LLGL2: variants seen among roughly 807,000 people sequenced by gnomAD.
LLGL2 encodes LLGL scribble cell polarity complex component 2, also known as LLGL2, scribble cell polarity complex component.
In LLGL2, 81 loss-of-function variants were observed where a neutral mutation model predicts 123.2. The ratio of observed to expected loss-of-function variants is 0.66; its 90% confidence interval spans 0.55 to 0.79. The LOEUF is 0.79. Among genes scored for constraint, LLGL2 ranks in the 30% least tolerant of loss-of-function variants. LLGL2 has a pLI of 0.00. For missense variants in LLGL2, 1,273 were observed against 1,414.6 expected (o/e 0.90, Z 1.61); for synonymous variants, 577 against 594.1 (o/e 0.97, Z 0.42).
In LLGL2 at chr17:75,559,126, G is replaced by C; in HGVS notation, c.372-126G>C. 2 of 1,023,378 alleles carry C rather than the reference G, an allele frequency of 2.0e-6. No homozygotes were observed. Among genetic ancestry groups the C allele is most frequent in the Non-Finnish European group, 2.8e-6 (2 of 726,624 alleles). 63.4% of individuals were successfully genotyped at this position (1,023,378 alleles called of 1,614,324 possible). A position where few individuals can be genotyped will look rare whatever the true frequency, so the allele number is the denominator to read the frequency against. ...CAGAAAGTGACCAATGTTTGTCCTGGCTTGAAATGTTATGACCTCATTAAA... is the reference window on the plus strand; with the variant it reads ...CAGAAAGTGACCAATGTTTGTCCTGCCTTGAAATGTTATGACCTCATTAAA... On this transcript the variant is annotated intron_variant, in intron 5 of 25. Coordinates refer to ENST00000392550, the MANE Select transcript of LLGL2 (RefSeq NM_001031803.2). The surrounding 1 kb of genome is among the most constrained non-coding windows in gnomAD (Gnocchi z 4.6).
chr17:75,543,584 A>T, intron 2 of LLGL2, 83 bp downstream of exon 2: 1 of 1,104,410 alleles, frequency 9.1e-7, no homozygotes, highest in Non-Finnish European at 1.3e-6. Flanking sequence ...TCTTACCTGG[A>T]TTAAGGTATA....
chr17:75,534,357 T>G (rs1306140510), intron 1 of LLGL2, among the ~76,000 whole-genome samples: 1 of 152,172 alleles, frequency 6.6e-6, no homozygotes, highest in Non-Finnish European at 1.5e-5. Flanking sequence ...GTGGGGGGAA[T>G]GGAGGCTGAC....
At chr17:75,528,137 A>G (rs1253590312) in intron 1 of LLGL2, among the ~76,000 whole-genome samples, 9 of 139,222 alleles carry the variant, frequency 6.5e-5, no homozygotes, top group East Asian at 2.3e-4. Context: ...TTATTTTGAG[A>G]CAGAGTCTCG....
intron 6 of LLGL2, among the ~76,000 whole-genome samples, chr17:75,560,008 G>A (rs890153655): frequency 6.6e-6 from 1 of 152,238 alleles, no homozygotes; most frequent in African/African-American, 2.4e-5. Context: ...GTTGGGGCCG[G>A]GTCGGTCATG....
intron 10 of LLGL2, among the ~76,000 whole-genome samples, chr17:75,565,894 T>C (rs888415625): frequency 7.2e-5 from 11 of 152,234 alleles, no homozygotes; most frequent in Non-Finnish European, 1.6e-4. Flanking sequence ...TGCCAGGCCC[T>C]GTTCTAGAAA....
At chr17:75,566,699 G>T (rs904656200) in intron 10 of LLGL2, among the ~76,000 whole-genome samples, 1 of 152,222 alleles carries the variant, frequency 6.6e-6, no homozygotes. Context: ...TAAACGAGGG[G>T]AGGAGAGATC....
At chr17:75,542,542 A>G in intron 1 of LLGL2, 1 of 152,334 alleles carries the variant, frequency 6.6e-6, no homozygotes, top group Non-Finnish European at 1.5e-5. Flanking sequence ...AGGATAATCC[A>G]GAAATGGTTT....
At chr17:75,532,246 C>A (rs1012358233) in intron 1 of LLGL2, among the ~76,000 whole-genome samples, 5 of 151,280 alleles carry the variant, frequency 3.3e-5, no homozygotes, top group Non-Finnish European at 7.4e-5. Context: ...GCTACCATGC[C>A]CAGCTAATTT....
chr17:75,531,210 C>T (rs1282547310), intron 1 of LLGL2, among the ~76,000 whole-genome samples: 2 of 152,144 alleles, frequency 1.3e-5, no homozygotes, highest in Non-Finnish European at 2.9e-5. Context: ...GCCAGGACTT[C>T]CTGGCCCCGG....
chr17:75,537,909 A>G (rs2054067293), intron 1 of LLGL2, among the ~76,000 whole-genome samples: 1 of 150,840 alleles, frequency 6.6e-6, no homozygotes, highest in South Asian at 2.1e-4. Context: ...CCTGGGTTCA[A>G]GCAATTCTCC....
chr17:75,558,837 C>CCACACCA lies in LLGL2; in HGVS notation c.371+211_371+212insACACCAC, dbSNP rs2055045945. On this transcript the variant is annotated intron_variant, in intron 5 of 25. Transcript: ENST00000392550. This position sits in a 1 kb window ranked among gnomAD's most constrained non-coding sequence, Gnocchi z 4.0. ...TCCATCCACACCACGCCTCCTCCAT[C>CCACACCA]CGCACCCCACCTCCTCCATCCGCAC... 1 of 383,470 alleles carries CCACACCA rather than the reference C, an allele frequency of 2.6e-6. No homozygotes were observed. Among genetic ancestry groups the CCACACCA allele is most frequent in the Non-Finnish European group, 4.7e-6 (1 of 214,726 alleles). The allele number at this position is 383,470 out of a possible 1,614,324, so 23.8% of individuals were successfully genotyped here. A position where few individuals can be genotyped will look rare whatever the true frequency, so the allele number is the denominator to read the frequency against.
intron 1 of LLGL2, among the ~76,000 whole-genome samples, chr17:75,529,473 G>A (rs1034439651): frequency 1.3e-5 from 2 of 151,868 alleles, no homozygotes; most frequent in African/African-American, 4.8e-5. Flanking sequence ...TCAAAGTGCT[G>A]GGATTACAGG....
At chr17:75,536,679 C>T (rs747923819) in intron 1 of LLGL2, among the ~76,000 whole-genome samples, 1 of 152,084 alleles carries the variant, frequency 6.6e-6, no homozygotes, top group Non-Finnish European at 1.5e-5. Context: ...GGCAGATAAA[C>T]AAAAAGGAGA....
intron 19 of LLGL2, 76 bp downstream of exon 19, chr17:75,572,140 A>G (rs2055742279): frequency 7.0e-7 from 1 of 1,418,658 alleles, no homozygotes. Flanking sequence ...GGCAAAAATG[A>G]TGGCTGGGAC....
intron 1 of LLGL2, among the ~76,000 whole-genome samples, chr17:75,539,626 T>A (rs141812365): frequency 0.04 from 5,810 of 144,452 alleles, 107 homozygotes; most frequent in Middle Eastern, 0.14. Context: ...TTTTTTTTTT[T>A]ATACAGAATT....
Position 75,559,452 on chromosome 17 carries a change from G to A in LLGL2, c.530+42G>A, listed in dbSNP as rs1467417628. 1 of 1,556,116 alleles carries A rather than the reference G, an allele frequency of 6.4e-7. No individual in the cohort carries two copies. The highest frequency in any genetic ancestry group is 8.7e-7 in the Non-Finnish European group (1 of 1,152,580). ...GCTGCTGTTAACTCCATCCCCTCAA[G>A]TTAGGCATGGCTTCTCCCCTTGGTC... On this transcript the variant is annotated intron_variant, in intron 6 of 25. Transcript: ENST00000392550. This position sits in a 1 kb window ranked among gnomAD's most constrained non-coding sequence, Gnocchi z 4.6.
Position 75,569,256 on chromosome 17 carries a change from G to T in LLGL2, c.1512G>T (p.Arg504=). Reference sequence around the variant, plus strand: ...TTGACCCCTACAGTGATGACCCCCGGCTGGGCATCCAGAAGATCTTCCTCT... The same window carrying T: ...TTGACCCCTACAGTGATGACCCCCGTCTGGGCATCCAGAAGATCTTCCTCT... ...GSFDPYSDDP[R]LGIQKIFLCK... The change falls in exon 14 of 26, where the codon CGG becomes CGT. Residue 504 remains arginine (R), a synonymous_variant. Coordinates refer to ENST00000392550, the MANE Select transcript of LLGL2 (RefSeq NM_001031803.2). 1 of 1,613,598 alleles carries T rather than the reference G, an allele frequency of 6.2e-7. No individual in the cohort carries two copies. The highest frequency in any genetic ancestry group is 1.1e-5 in the South Asian group (1 of 91,068).
At chr17:75,552,333 A>G (rs533095656) in intron 2 of LLGL2, among the ~76,000 whole-genome samples, 6 of 142,388 alleles carry the variant, frequency 4.2e-5, no homozygotes, top group East Asian at 4.4e-4. Context: ...TACTAAAAAT[A>G]CAAAAACTAG....
In LLGL2 at chr17:75,574,661, T is replaced by C; in HGVS notation, c.3048T>C (p.Asn1016=). ...CCGCCGTGGGGTGCAGCCTCAGCAA[T>C]GGCGGAGGTGGGGGCTCTGGGCTTG... ...HRAAVGCSLS[N]GGAE Residue 1016 remains asparagine (N), a synonymous_variant, in exon 25 of 26, where the codon AAT becomes AAC. Transcript: ENST00000392550. The C allele has an allele frequency of 1.9e-6, 3 of 1,611,490 alleles. No individual in the cohort carries two copies. The highest frequency in any genetic ancestry group is 2.5e-6 in the Non-Finnish European group (3 of 1,179,450).
Sources: gnomAD v4.1 joint callset for allele counts (sites outside exome capture counted in the v4.1 genomes callset) on GRCh38, gnomAD v4.1.1 for gene constraint, Gnocchi (gnomAD v3.1) non-coding constraint, MANE v1.5 for transcripts, NCBI Gene and HGNC (gene_info 2026-07-23, HGNC 2026-07-21) for gene names.